Variants in NYX observed in about 807,000 individuals in gnomAD.
NYX encodes the protein nyctalopin.
For synonymous variants in NYX, 258 were observed against 245.7 expected, an observed-to-expected ratio of 1.05 and a Z score of -0.47; for missense variants, 481 against 485.4, an observed-to-expected ratio of 0.99 and a Z score of 0.09.
intron 2 of NYX, among the ~76,000 whole-genome samples, chrX:41,467,024 G>A (rs1169759904): frequency 2.7e-5 from 3 of 109,397 alleles, no homozygotes; most frequent in Non-Finnish European, 5.7e-5. Flanking sequence ...GACTGGTCTC[G>A]AACTCCTGAC....
chrX:41,462,324 T>C (rs2064323197), intron 2 of NYX, among the ~76,000 whole-genome samples: 1 of 112,086 alleles, frequency 8.9e-6, no homozygotes, highest in Non-Finnish European at 1.9e-5. Context: ...AGGAGTAGAA[T>C]GGCTGGATTA....
At chrX:41,467,260 C>T (rs888426403) in intron 2 of NYX, among the ~76,000 whole-genome samples, 5 of 110,943 alleles carry the variant, frequency 4.5e-5, no homozygotes, top group African/African-American at 1.6e-4. Flanking sequence ...TTTTCTGGCT[C>T]ACTAAACATG....
intron 1 of NYX, 33 bp from the exon 2 acceptor site, chrX:41,447,815 TG>T: frequency 9.1e-7 from 1 of 1,094,992 alleles, no homozygotes; most frequent in African/African-American, 1.8e-5. Flanking sequence ...GGGGCCCTCC[TG>T]GGCACTGGGT....
chrX:41,461,659 A>T (rs1464973591), intron 2 of NYX, among the ~76,000 whole-genome samples: 1 of 110,951 alleles, frequency 9.0e-6, no homozygotes, highest in East Asian at 2.8e-4. Context: ...GCAGTGTAGA[A>T]GTGTTCCCTG....
intron 2 of NYX, among the ~76,000 whole-genome samples, chrX:41,453,258 G>A (rs187527440): frequency 1.3e-3 from 146 of 111,234 alleles, no homozygotes; most frequent in African/African-American, 4.4e-3. Flanking sequence ...CTCATTATGC[G>A]GGTGCCTGAG....
Position 41,474,132 on chromosome X carries a change from G to T in NYX, c.664G>T (p.Gly222Trp). 8.8e-7 allele frequency: 1 copy of T among 1,133,015 alleles called. No individual in the cohort carries two copies. Among genetic ancestry groups the T allele is most frequent in the Non-Finnish European group, 1.2e-6 (1 of 861,365 alleles). The allele number at this position is 1,133,015 out of a possible 1,213,427, so 93.4% of individuals were successfully genotyped here. A position where few individuals can be genotyped will look rare whatever the true frequency, so the allele number is the denominator to read the frequency against. The change falls in exon 3 of 3, where the codon GGG (glycine) becomes TGG (tryptophan). Residue 222 changes from glycine to tryptophan, a missense_variant. Transcript: ENST00000378220. ...CCGTGCCGTGCACGCTGGCGCCTTCGGGGACTGTGGCGTCCTGGAGCATCT... is the reference window on the plus strand; with the variant it reads ...CCGTGCCGTGCACGCTGGCGCCTTCTGGGACTGTGGCGTCCTGGAGCATCT... ...RVRAVHAGAF[G>W]DCGVLEHLLL... is the part of the protein sequence containing the mutation.
rs2064359350 is a variant in NYX at position 41,471,372 on chromosome X, G to T, written c.23-2119G>T. Among the ~76,000 whole-genome samples the T allele has an allele frequency of 3.6e-5, 4 of 111,688 alleles. No homozygotes were observed. The Admixed American group carries it at 3.8e-4, about 11-fold the overall frequency. On this transcript the variant is annotated intron_variant, in intron 2 of 2. Transcript: ENST00000378220. Reference sequence around the variant, plus strand: ...GGTGATCTGCCCACCTCGGCCTCTCGAAGTGTTGGGATTACAGGCGTGAGC... The same window carrying T: ...GGTGATCTGCCCACCTCGGCCTCTCTAAGTGTTGGGATTACAGGCGTGAGC...
chrX:41,464,670 CGT>C (rs768617215), intron 2 of NYX, among the ~76,000 whole-genome samples: 7 of 101,750 alleles, frequency 6.9e-5, no homozygotes, highest in Non-Finnish European at 1.2e-4. Context: ...ATGGGCCGTG[CGT>C]GTGTGTGTGT....
rs141409352 is a variant in NYX at position 41,464,390 on chromosome X, C to A, written c.23-9101C>A. On this transcript the variant is annotated intron_variant, in intron 2 of 2. Transcript: ENST00000378220. ...CTGGGCTCAAGCGATCCACCCACCT[C>A]GGCCTCCAAAAGTGCTAGGATTACA... Among the ~76,000 whole-genome samples, 151 of 111,382 alleles carry A rather than the reference C, an allele frequency of 1.4e-3. 1 individual carries two copies. In the Middle Eastern group the frequency reaches 0.018, roughly 14 times the overall value.
chrX:41,464,645 CTA>C (rs1201774585), intron 2 of NYX, among the ~76,000 whole-genome samples: 1 of 102,384 alleles, frequency 9.8e-6, no homozygotes, highest in Admixed American at 1.1e-4. Flanking sequence ...TAAGAATTTT[CTA>C]TCTTTGGCTA....
chrX:41,455,140 CTG>C (rs1239138013), intron 2 of NYX, among the ~76,000 whole-genome samples: 1 of 108,605 alleles, frequency 9.2e-6, no homozygotes, highest in Non-Finnish European at 1.9e-5. Flanking sequence ...GAGTCTCACT[CTG>C]TTGCCCAGGC....
At chrX:41,460,417 C>T in intron 2 of NYX, among the ~76,000 whole-genome samples, 1 of 112,100 alleles carries the variant, frequency 8.9e-6, no homozygotes, top group South Asian at 3.7e-4. Context: ...ATCTGCCCAC[C>T]TCGGCCTCCC....
chrX:41,471,459 T>C (rs1434946965), intron 2 of NYX, among the ~76,000 whole-genome samples: 1 of 112,300 alleles, frequency 8.9e-6, no homozygotes, highest in African/African-American at 3.2e-5. Flanking sequence ...TAAGTGTGCA[T>C]TCATCTAAAG....
At chrX:41,453,374 C>T (rs888459175) in intron 2 of NYX, among the ~76,000 whole-genome samples, 3 of 111,285 alleles carry the variant, frequency 2.7e-5, no homozygotes, top group Non-Finnish European at 3.8e-5. Context: ...GATTCAGGGA[C>T]GCCTTGTAAG....
Position 41,474,587 on chromosome X carries a change from C to T in NYX, c.1119C>T (p.Phe373=), listed in dbSNP as rs1438907414. 6.7e-6 allele frequency: 8 copies of T among 1,197,957 alleles called. No homozygotes were observed. In the South Asian group the frequency reaches 9.1e-5, roughly 14 times the overall value. ...VAGLDLSQVT[F]GRSSDGLCVD... ...GCCTGGACCTCAGCCAGGTGACCTT[C>T]GGGCGCTCCTCCGATGGCCTCTGTG... Residue 373 remains phenylalanine, a synonymous_variant, in exon 3 of 3, where the codon TTC becomes TTT. Coordinates refer to ENST00000378220, the MANE Select transcript of NYX (RefSeq NM_001378477.3).
In NYX at chrX:41,475,644, G is replaced by T; in HGVS notation, c.*745G>T. On this transcript the variant is annotated 3_prime_UTR_variant, in exon 3 of 3. Transcript: ENST00000378220. ...ATTAAAAAAAAAAAAAGGTTAAACC[G>T]GTTTCTCTACTGCTGGACTTTTCAG... 1 of 111,391 alleles carries T rather than the reference G, an allele frequency of 9.0e-6. No individual in the cohort carries two copies. The highest frequency in any genetic ancestry group is 1.9e-5 in the Non-Finnish European group (1 of 53,032). The allele number at this position is 111,391 out of a possible 1,213,427, so 9.2% of individuals were successfully genotyped here. A position where few individuals can be genotyped will look rare whatever the true frequency, so the allele number is the denominator to read the frequency against.
At chrX:41,455,021 C>T (rs755274880) in intron 2 of NYX, among the ~76,000 whole-genome samples, 2 of 111,649 alleles carry the variant, frequency 1.8e-5, no homozygotes, top group Admixed American at 1.9e-4. Flanking sequence ...TGTCAAGCAA[C>T]GAGACACATC....
chrX:41,470,929 C>T (rs189200136), intron 2 of NYX, among the ~76,000 whole-genome samples: 4 of 110,279 alleles, frequency 3.6e-5, no homozygotes, highest in Non-Finnish European at 7.6e-5. Flanking sequence ...CTCAAGGCCA[C>T]ATTCTAGTGT....
intron 2 of NYX, among the ~76,000 whole-genome samples, chrX:41,461,409 C>T (rs1343427350): frequency 9.8e-6 from 1 of 101,981 alleles, no homozygotes; most frequent in African/African-American, 3.8e-5. Flanking sequence ...ATATATACAC[C>T]ACAGTTTCTT....
Sources: allele counts gnomAD v4.1 joint callset (sites outside exome capture counted in the v4.1 genomes callset), GRCh38; gene constraint gnomAD v4.1.1; transcripts MANE v1.5; gene names NCBI Gene and HGNC (gene_info 2026-07-23, HGNC 2026-07-21).